Variants in NGFR observed in about 807,000 individuals in gnomAD.
NGFR encodes the protein nerve growth factor receptor, also known as tumor necrosis factor receptor superfamily member 16.
In NGFR, 30 loss-of-function variants were observed where a neutral mutation model predicts 43.2. The ratio of observed to expected loss-of-function variants is 0.69; its 90% confidence interval spans 0.52 to 0.94. The LOEUF (loss-of-function observed/expected upper bound fraction) is 0.94, where lower values mean the gene tolerates loss of function less well. Ranked by LOEUF, NGFR falls within the 40% of genes least tolerant of loss-of-function variation. The pLI, the probability that NGFR is intolerant of heterozygous loss-of-function variation, is 0.00. For synonymous variants in NGFR, 246 were observed against 259.6 expected (o/e 0.95, Z 0.50); for missense variants, 529 against 602.5 (o/e 0.88, Z 1.28).
chr17:49,506,140 C>T, intron 2 of NGFR, 159 bp from the exon 3 acceptor site: 2 of 1,369,636 alleles, frequency 1.5e-6, no homozygotes, highest in Non-Finnish European at 1.9e-6. Flanking sequence ...CTTTCACAGG[C>T]TAGGGGTCAG....
chr17:49,497,533 G>A (rs1039407230), intron 1 of NGFR: 1 of 152,590 alleles, frequency 6.6e-6, no homozygotes, highest in African/African-American at 2.4e-5. Context: ...CGCTTGGGAA[G>A]GTGTACCCCG....
intron 3 of NGFR, 54 bp from the exon 4 acceptor site, chr17:49,510,358 T>C (rs1179701412): frequency 6.2e-7 from 1 of 1,601,072 alleles, no homozygotes; most frequent in African/African-American, 1.3e-5. Context: ...GGGTTAGAGC[T>C]AAAAGGGAGG....
chr17:49,499,903 C>T (rs2143423539), intron 1 of NGFR, among the ~76,000 whole-genome samples: 1 of 152,260 alleles, frequency 6.6e-6, no homozygotes, highest in East Asian at 1.9e-4. Flanking sequence ...TGCCTTTCTA[C>T]CAAGGCGAGT....
In NGFR at chr17:49,506,087, C is replaced by T. The variant is rs11466137; in HGVS notation, c.209-212C>T. On this transcript the variant is annotated intron_variant, in intron 2 of 5. Transcript: ENST00000172229. Reference sequence around the variant, plus strand: ...CAGTGCTTCTGGAGCCTGGAGGATGCGGCTCCGGGCCTCCTCCCCCTTTCC... The same window carrying T: ...CAGTGCTTCTGGAGCCTGGAGGATGTGGCTCCGGGCCTCCTCCCCCTTTCC... 2,431 of 931,668 alleles carry T rather than the reference C, an allele frequency of 2.6e-3. 46 individuals carry two copies. In the African/African-American group the frequency reaches 0.036, roughly 14 times the overall value. The allele number at this position is 931,668 out of a possible 1,614,324, so 57.7% of individuals were successfully genotyped here.
chr17:49,506,365 T>C lies in NGFR; in HGVS notation c.275T>C (p.Leu92Pro), dbSNP rs1350657211. Residue 92 changes from leucine (L) to proline (P), a missense_variant, in exon 3 of 6, where the codon CTC becomes CCC. Transcript: ENST00000172229. ...AAGCCGTGCACCGAGTGCGTGGGGC[T>C]CCAGAGCATGTCGGCGCCGTGCGTG... ...PCKPCTECVG[L>P]QSMSAPCVEA... 9 of 1,597,790 alleles carry C rather than the reference T, an allele frequency of 5.6e-6. No individual in the cohort carries two copies. Among genetic ancestry groups the C allele is most frequent in the Admixed American group, 1.7e-5 (1 of 59,702 alleles).
chr17:49,508,607 A>T (rs867461522), intron 3 of NGFR, among the ~76,000 whole-genome samples: 1 of 152,292 alleles, frequency 6.6e-6, no homozygotes. Flanking sequence ...CTCAGGGCAG[A>T]AGGGCTACCC....
intron 3 of NGFR, among the ~76,000 whole-genome samples, chr17:49,507,424 G>A (rs1292736499): frequency 2.0e-5 from 3 of 152,172 alleles, no homozygotes; most frequent in Admixed American, 1.3e-4. Context: ...CAGACCTGGG[G>A]CTCAAAAGCC....
At chr17:49,499,122 G>C (rs996472199) in intron 1 of NGFR, among the ~76,000 whole-genome samples, 1 of 152,080 alleles carries the variant, frequency 6.6e-6, no homozygotes, top group African/African-American at 2.4e-5. Context: ...TACAACATAG[G>C]GAACATAAAA....
chr17:49,505,244 C>G (rs1007691907), intron 2 of NGFR, among the ~76,000 whole-genome samples: 2 of 152,152 alleles, frequency 1.3e-5, no homozygotes, highest in Admixed American at 6.5e-5. Context: ...GGCGCTTTAG[C>G]CTTTCTGCTT....
At chr17:49,497,953 C>G (rs1031366321) in intron 1 of NGFR, among the ~76,000 whole-genome samples, 5 of 152,236 alleles carry the variant, frequency 3.3e-5, no homozygotes, top group Non-Finnish European at 5.9e-5. Context: ...CGGGAATAAT[C>G]GCATGTGCTG....
At position 49,506,144 on chromosome 17, in the gene NGFR, G is replaced by A. The variant is rs904847569; in HGVS notation, c.209-155G>A. On this transcript the variant is annotated intron_variant, in intron 2 of 5. Transcript: ENST00000172229. ...GCTGCCACCAACTTTCACAGGCTAGGGGTCAGGGTCCCTTGGAAGAGGGTG... is the reference window on the plus strand; with the variant it reads ...GCTGCCACCAACTTTCACAGGCTAGAGGTCAGGGTCCCTTGGAAGAGGGTG... 1.4e-5 allele frequency: 19 copies of A among 1,382,900 alleles called. No homozygotes were observed. The South Asian group carries it at 2.2e-4, about 16-fold the overall frequency. The allele number at this position is 1,382,900 out of a possible 1,614,324, so 85.7% of individuals were successfully genotyped here.
At chr17:49,496,908 T>C (rs1406114740) in intron 1 of NGFR, 1 of 152,226 alleles carries the variant, frequency 6.6e-6, no homozygotes, top group African/African-American at 2.4e-5. Context: ...CCGAATGCCC[T>C]GGAAGGTCTG....
At chr17:49,497,370 C>CT (rs2071144611) in intron 1 of NGFR, 2 of 152,380 alleles carry the variant, frequency 1.3e-5, no homozygotes, top group South Asian at 4.1e-4. Context: ...AGAGACGCTG[C>CT]TCAGACGCGG....
At chr17:49,508,894 C>A (rs1271245579) in intron 3 of NGFR, among the ~76,000 whole-genome samples, 1 of 152,156 alleles carries the variant, frequency 6.6e-6, no homozygotes. Flanking sequence ...CATTGGGCAC[C>A]CGGACATGTA....
At chr17:49,497,862 G>A (rs1245809372) in intron 1 of NGFR, 2 of 152,594 alleles carry the variant, frequency 1.3e-5, no homozygotes, top group African/African-American at 4.8e-5. Flanking sequence ...CAGCTCCGCG[G>A]GGGACGGGCC....
At position 49,512,606 on chromosome 17, in the gene NGFR, G is replaced by A; in HGVS notation, c.983-102G>A. The A allele has an allele frequency of 7.1e-7, 1 of 1,416,034 alleles. No individual in the cohort carries two copies. The highest frequency in any genetic ancestry group is 9.5e-7 in the Non-Finnish European group (1 of 1,048,542). 87.7% of individuals were successfully genotyped at this position (1,416,034 alleles called of 1,614,324 possible). A position where few individuals can be genotyped will look rare whatever the true frequency, so the allele number is the denominator to read the frequency against. On this transcript the variant is annotated intron_variant, in intron 5 of 5. Coordinates refer to ENST00000172229, the MANE Select transcript of NGFR (RefSeq NM_002507.4). This position sits in a 1 kb window ranked among gnomAD's most constrained non-coding sequence, Gnocchi z 5.2. ...GTCTTGGCCCCAGGCCTCCAGATGG[G>A]GAGGAGCACTGCCTCGGCCCTTCTT...
chr17:49,498,262 C>T (rs1297897621), intron 1 of NGFR, among the ~76,000 whole-genome samples: 1 of 152,144 alleles, frequency 6.6e-6, no homozygotes, highest in African/African-American at 2.4e-5. Flanking sequence ...GTGCCCTATG[C>T]CTTTGGCCCC....
chr17:49,512,128 G>A lies in NGFR; in HGVS notation c.982+76G>A, dbSNP rs2071237296. 1 of 1,526,918 alleles carries A rather than the reference G, an allele frequency of 6.5e-7. No homozygotes were observed. Among genetic ancestry groups the A allele is most frequent in the Non-Finnish European group, 8.8e-7 (1 of 1,132,340 alleles). 94.6% of individuals were successfully genotyped at this position (1,526,918 alleles called of 1,614,324 possible). On this transcript the variant is annotated intron_variant, in intron 5 of 5. Transcript: ENST00000172229. The surrounding 1 kb of genome is among the most constrained non-coding windows in gnomAD (Gnocchi z 5.2). ...AGAAGCAATTAAGATTAGACTCCAG[G>A]AAGGACTGTCGGGGGGGCGGCAGGG...
intron 1 of NGFR, among the ~76,000 whole-genome samples, chr17:49,500,051 A>AT (rs1384274172): frequency 6.8e-6 from 1 of 146,498 alleles, no homozygotes; most frequent in Non-Finnish European, 1.5e-5. Flanking sequence ...GAAAAGCTAT[A>AT]TTAAAAAAAA....
Sources: gnomAD v4.1 joint callset for allele counts (sites outside exome capture counted in the v4.1 genomes callset) on GRCh38, gnomAD v4.1.1 for gene constraint, Gnocchi (gnomAD v3.1) non-coding constraint, MANE v1.5 for transcripts, NCBI Gene and HGNC (gene_info 2026-07-23, HGNC 2026-07-21) for gene names.